Variants in DIP2B observed in about 807,000 individuals in gnomAD.
The protein encoded by DIP2B is DIP2 acetate--CoA ligase B (putative).
Under a neutral mutation model 198.0 loss-of-function variants are expected in DIP2B, and 76 were observed. The observed-to-expected ratio is 0.38, with a 90% CI of 0.32 to 0.46. DIP2B has a LOEUF of 0.46. Ranked by LOEUF, DIP2B falls within the 20% of genes least tolerant of loss-of-function variation. DIP2B has a pLI of 0.99. For missense variants in DIP2B, 1,559 were observed against 1,978.4 expected (o/e 0.79, Z 4.02); for synonymous variants, 701 against 739.1 (o/e 0.95, Z 0.84).
intron 28 of DIP2B, 57 bp downstream of exon 28, chr12:50,724,943 TCTC>T (rs1036035283): frequency 2.6e-6 from 4 of 1,517,960 alleles, no homozygotes; most frequent in African/African-American, 1.4e-5. Flanking sequence ...ATACCTGAGA[TCTC>T]CTCCATTCTC....
intron 13 of DIP2B, among the ~76,000 whole-genome samples, chr12:50,692,474 A>G (rs923445123): frequency 2.6e-5 from 4 of 152,134 alleles, no homozygotes; most frequent in African/African-American, 7.2e-5. Flanking sequence ...ACATTACCCT[A>G]TGAGCAGTCC....
intron 1 of DIP2B, among the ~76,000 whole-genome samples, chr12:50,558,864 G>A (rs1290462780): frequency 1.3e-5 from 2 of 152,174 alleles, no homozygotes; most frequent in Non-Finnish European, 2.9e-5. Flanking sequence ...GGGCAAAAGT[G>A]GGTTGCAAAG....
intron 1 of DIP2B, among the ~76,000 whole-genome samples, chr12:50,530,378 C>T (rs981546725): frequency 6.6e-6 from 1 of 152,194 alleles, no homozygotes; most frequent in Non-Finnish European, 1.5e-5. Context: ...CTGTGCCCTG[C>T]CTCCTCCATC....
chr12:50,722,092 T>A (rs981557674), intron 26 of DIP2B, among the ~76,000 whole-genome samples: 1 of 151,884 alleles, frequency 6.6e-6, no homozygotes, highest in African/African-American at 2.4e-5. Context: ...TCAGAATTAT[T>A]TGGTGACAAT....
At chr12:50,506,872 T>C (rs1289870733) in intron 1 of DIP2B, among the ~76,000 whole-genome samples, 1 of 152,202 alleles carries the variant, frequency 6.6e-6, no homozygotes, top group Non-Finnish European at 1.5e-5. Flanking sequence ...TAGCTTTGAT[T>C]AGAGAGAGGT....
chr12:50,537,469 C>G (rs1021470915), intron 1 of DIP2B, among the ~76,000 whole-genome samples: 2 of 152,012 alleles, frequency 1.3e-5, no homozygotes, highest in African/African-American at 2.4e-5. Context: ...ATACAAACAT[C>G]TGAGTTGCCG....
intron 14 of DIP2B, among the ~76,000 whole-genome samples, chr12:50,694,159 G>A (rs1171445765): frequency 6.6e-6 from 1 of 152,182 alleles, no homozygotes; most frequent in South Asian, 2.1e-4. Context: ...AAAGCATTAA[G>A]TGGGTTGGAG....
At chr12:50,690,008 G>A (rs190191206) in intron 12 of DIP2B, among the ~76,000 whole-genome samples, 2 of 152,118 alleles carry the variant, frequency 1.3e-5, no homozygotes, top group East Asian at 3.9e-4. Flanking sequence ...TATCTCAGTT[G>A]ACTGTTCACA....
chr12:50,563,248 G>T (rs540218580), intron 1 of DIP2B, among the ~76,000 whole-genome samples: 1 of 151,986 alleles, frequency 6.6e-6, no homozygotes, highest in Non-Finnish European at 1.5e-5. Flanking sequence ...GTGCAGTGAC[G>T]TGATCTTGGC....
At chr12:50,556,687 C>T (rs904074605) in intron 1 of DIP2B, among the ~76,000 whole-genome samples, 20 of 151,078 alleles carry the variant, frequency 1.3e-4, no homozygotes, top group Non-Finnish European at 1.5e-4. Flanking sequence ...GGACTACAGG[C>T]GCATGCCACC....
At chr12:50,701,103 G>A (rs905913660) in intron 19 of DIP2B, among the ~76,000 whole-genome samples, 1 of 152,184 alleles carries the variant, frequency 6.6e-6, no homozygotes, top group Non-Finnish European at 1.5e-5. Context: ...TTCCAATGAG[G>A]CAGTTCACTA....
chr12:50,697,883 T>C (rs756674519), intron 17 of DIP2B, among the ~76,000 whole-genome samples: 117 of 151,960 alleles, frequency 7.7e-4, no homozygotes, highest in Non-Finnish European at 1.2e-3. Flanking sequence ...GGTTTATGTG[T>C]TTACTACACT....
intron 35 of DIP2B, 111 bp downstream of exon 35, chr12:50,737,221 G>C (rs1211754356): frequency 1.0e-6 from 1 of 995,504 alleles, no homozygotes; most frequent in African/African-American, 1.6e-5. Flanking sequence ...GTTGTGAATG[G>C]AGTTAATTTT....
In DIP2B at chr12:50,733,241, ATT is replaced by A. The variant is rs11340146; in HGVS notation, c.3981+712_3981+713del. ...TTTTTCTGTCTCTATATTCTATACC[ATT>A]TTTTTTCTTTCTTTTTTTTTTTTTT... On this transcript the variant is annotated intron_variant, in intron 32 of 37. Transcript: ENST00000301180. Among the ~76,000 whole-genome samples the A allele has an allele frequency of 1.3e-4, 19 of 143,538 alleles. No individual in the cohort carries two copies. The East Asian group carries it at 3.6e-3, about 27-fold the overall frequency. 94.2% of individuals were successfully genotyped at this position (143,538 alleles called of 152,430 possible).
chr12:50,516,878 G>C (rs1958070536), intron 1 of DIP2B, among the ~76,000 whole-genome samples: 1 of 152,012 alleles, frequency 6.6e-6, no homozygotes, highest in African/African-American at 2.4e-5. Flanking sequence ...AGGAGGCTAG[G>C]CTGAGTTAGG....
In DIP2B at chr12:50,745,396, T is replaced by G. The variant is rs1475889457; in HGVS notation, c.*557T>G. Reference sequence around the variant, plus strand: ...ACATTTTGACCAGTGTTTTACAACATGTACATAAGAATACACATAATTCAA... The same window carrying G: ...ACATTTTGACCAGTGTTTTACAACAGGTACATAAGAATACACATAATTCAA... On this transcript the variant is annotated 3_prime_UTR_variant, in exon 38 of 38. Coordinates refer to ENST00000301180, the MANE Select transcript of DIP2B (RefSeq NM_173602.3). 1 of 154,910 alleles carries G rather than the reference T, an allele frequency of 6.5e-6. No individual in the cohort carries two copies. Among genetic ancestry groups the G allele is most frequent in the Non-Finnish European group, 1.4e-5 (1 of 69,382 alleles). 9.6% of individuals were successfully genotyped at this position (154,910 alleles called of 1,614,324 possible). A position where few individuals can be genotyped will look rare whatever the true frequency, so the allele number is the denominator to read the frequency against.
At chr12:50,577,287 T>C (rs558347122) in intron 1 of DIP2B, among the ~76,000 whole-genome samples, 1 of 152,228 alleles carries the variant, frequency 6.6e-6, no homozygotes, top group South Asian at 2.1e-4. Context: ...ATCTCAGCAC[T>C]TTGGGAGGCC....
intron 1 of DIP2B, among the ~76,000 whole-genome samples, chr12:50,551,736 A>T (rs1958429132): frequency 6.6e-6 from 1 of 152,054 alleles, no homozygotes; most frequent in Non-Finnish European, 1.5e-5. Context: ...GAGCCACCAT[A>T]CCTGGCCCAA....
At chr12:50,707,204 T>A (rs1939529772) in intron 21 of DIP2B, among the ~76,000 whole-genome samples, 1 of 152,260 alleles carries the variant, frequency 6.6e-6, no homozygotes, top group Non-Finnish European at 1.5e-5. Flanking sequence ...ATTTGAGTAG[T>A]TGATGTCCTG....
Sources: gnomAD v4.1 joint callset for allele counts (sites outside exome capture counted in the v4.1 genomes callset) on GRCh38, gnomAD v4.1.1 for gene constraint, MANE v1.5 for transcripts, NCBI Gene and HGNC (gene_info 2026-07-23, HGNC 2026-07-21) for gene names.